The following RHEX variants were observed in gnomAD, a reference collection of about 807,000 sequenced individuals.
The protein encoded by RHEX is regulator of hemoglobinization and erythroid cell expansion, also known as regulator of hemoglobinization and erythroid cell expansion protein.
In RHEX, 18 loss-of-function variants were observed where a neutral mutation model predicts 20.1. That is an observed-to-expected ratio of 0.90 (90% CI 0.62 to 1.33). The LOEUF is 1.33. Among genes scored for constraint, RHEX ranks in the 40% most tolerant of loss-of-function variants. The pLI is 0.00. For synonymous variants in RHEX, 87 were observed against 77.1 expected (o/e 1.13, Z -0.67); for missense variants, 192 against 214.3 (o/e 0.90, Z 0.65).
At chr1:206,058,934 A>G (rs1662253226) in intron 1 of RHEX, among the ~76,000 whole-genome samples, 1 of 152,068 alleles carries the variant, frequency 6.6e-6, no homozygotes, top group Non-Finnish European at 1.5e-5. Flanking sequence ...AATCTCAAGC[A>G]CTTTCATGAC....
intron 1 of RHEX, among the ~76,000 whole-genome samples, chr1:206,056,630 GT>G (rs2102302013): frequency 6.6e-6 from 1 of 152,350 alleles, no homozygotes; most frequent in Non-Finnish European, 1.5e-5. Flanking sequence ...CATGATCACA[GT>G]TTTTAAAATA....
intron 1 of RHEX, among the ~76,000 whole-genome samples, chr1:206,055,663 G>A (rs567616995): frequency 4.7e-4 from 72 of 152,378 alleles, no homozygotes; most frequent in African/African-American, 1.4e-3. Context: ...ATGTAGATTA[G>A]ATAAACTGCA....
At chr1:206,064,183 C>T (rs1160760017) in intron 1 of RHEX, among the ~76,000 whole-genome samples, 3 of 142,978 alleles carry the variant, frequency 2.1e-5, no homozygotes, top group Non-Finnish European at 3.0e-5. Flanking sequence ...AAGTTAGGAG[C>T]CTCTCCGCCC....
rs1439599943 is a variant in RHEX at position 206,072,095 on chromosome 1, T to G, written c.-97+18830T>G. Reference sequence around the variant, plus strand: ...AGGAACGCAACAAATAAGTCTTTCATGCCGCCCCTAATTTTTCATTTCCTT... The same window carrying G: ...AGGAACGCAACAAATAAGTCTTTCAGGCCGCCCCTAATTTTTCATTTCCTT... On this transcript the variant is annotated intron_variant, in intron 1 of 5. Coordinates refer to ENST00000331555, the MANE Select transcript of RHEX (RefSeq NM_001007544.4). Among the ~76,000 whole-genome samples the G allele has an allele frequency of 4.6e-5, 7 of 152,262 alleles. No individual in the cohort carries two copies. The East Asian group carries it at 1.4e-3, about 29-fold the overall frequency.
At position 206,078,015 on chromosome 1, in the gene RHEX, CTT is replaced by C. The variant is rs782206206; in HGVS notation, c.-96-19716_-96-19715del. ...TTTCTGAGGTTTCGCTGTACACAAACTTTGTTTCATGCACAAAATTATTCAAA... is the reference window on the plus strand; with the variant it reads ...TTTCTGAGGTTTCGCTGTACACAAACTGTTTCATGCACAAAATTATTCAAA... On this transcript the variant is annotated intron_variant, in intron 1 of 5. Coordinates refer to ENST00000331555, the MANE Select transcript of RHEX (RefSeq NM_001007544.4). Among the ~76,000 whole-genome samples the C allele has an allele frequency of 3.9e-5, 6 of 152,252 alleles. No homozygotes were observed. In the South Asian group the frequency reaches 1.2e-3, roughly 32 times the overall value.
At chr1:206,072,655 G>C (rs1441775367) in intron 1 of RHEX, among the ~76,000 whole-genome samples, 1 of 152,082 alleles carries the variant, frequency 6.6e-6, no homozygotes, top group Non-Finnish European at 1.5e-5. Flanking sequence ...ATATGTTTCT[G>C]GGCATAGATA....
At position 206,098,102 on chromosome 1, in the gene RHEX, C is replaced by G; in HGVS notation, c.33C>G (p.Gly11=). MLTEVMEVWH[G]LVIAVVSLFL... ...ACAGAGTCATGGAGGTCTGGCATGGCTTAGTGATCGCGGTGGTGTCCCTCT... is the reference window on the plus strand; with the variant it reads ...ACAGAGTCATGGAGGTCTGGCATGGGTTAGTGATCGCGGTGGTGTCCCTCT... The change falls in exon 3 of 6, where the codon GGC becomes GGG. Residue 11 remains glycine, a synonymous_variant. Transcript: ENST00000331555. The G allele has an allele frequency of 6.2e-7, 1 of 1,613,968 alleles. No individual in the cohort carries two copies. Among genetic ancestry groups the G allele is most frequent in the Non-Finnish European group, 8.5e-7 (1 of 1,179,834 alleles).
chr1:206,087,074 A>G (rs1295413773), intron 1 of RHEX, among the ~76,000 whole-genome samples: 2 of 152,214 alleles, frequency 1.3e-5, no homozygotes, highest in African/African-American at 4.8e-5. Context: ...GAAGCTGGAA[A>G]AGTAAAGCAA....
At chr1:206,063,130 G>C (rs1553283577) in intron 1 of RHEX, among the ~76,000 whole-genome samples, 1 of 152,142 alleles carries the variant, frequency 6.6e-6, no homozygotes, top group East Asian at 1.9e-4. Flanking sequence ...TGTGACACCT[G>C]ATGATAAATA....
chr1:206,101,165 G>C lies in RHEX; in HGVS notation c.286G>C (p.Asp96His). 6.2e-7 allele frequency: 1 copy of C among 1,613,030 alleles called. No individual in the cohort carries two copies. Among genetic ancestry groups the C allele is most frequent in the Non-Finnish European group, 8.5e-7 (1 of 1,179,644 alleles). ...CAGCGACACACCCTCAGATAGCTTGGATAGCTCCTGCAGTTCGCCTCCTGC... is the reference window on the plus strand; with the variant it reads ...CAGCGACACACCCTCAGATAGCTTGCATAGCTCCTGCAGTTCGCCTCCTGC... ...HDSDTPSDSL[D>H]SSCSSPPACQ... Residue 96 changes from aspartate (D) to histidine (H), a missense_variant, in exon 5 of 6, where the codon GAT becomes CAT. Physicochemically the swap from Asp to His is moderately conservative, Grantham distance 81 (BLOSUM62 -1). Transcript: ENST00000331555.
At chr1:206,086,665 G>A (rs782517883) in intron 1 of RHEX, among the ~76,000 whole-genome samples, 1 of 152,110 alleles carries the variant, frequency 6.6e-6, no homozygotes, top group Non-Finnish European at 1.5e-5. Flanking sequence ...GATGCAAAAT[G>A]TTTTTTATGA....
chr1:206,101,897 A>G lies in RHEX; in HGVS notation c.464A>G (p.Tyr155Cys). The change falls in exon 6 of 6, where the codon TAT (tyrosine) becomes TGT (cysteine). Residue 155 changes from tyrosine (Y) to cysteine (C), a missense_variant. Coordinates refer to ENST00000331555, the MANE Select transcript of RHEX (RefSeq NM_001007544.4). ...NPERHKPSFWYFVNPALSEPA... is the reference protein window; with the variant it reads ...NPERHKPSFWCFVNPALSEPA... Reference sequence around the variant, plus strand: ...GAAAGACACAAGCCCAGTTTCTGGTATTTTGTCAACCCTGCTCTGTCTGAG... The same window carrying G: ...GAAAGACACAAGCCCAGTTTCTGGTGTTTTGTCAACCCTGCTCTGTCTGAG... The G allele has an allele frequency of 1.9e-6, 3 of 1,602,704 alleles. No homozygotes were observed. The highest frequency in any genetic ancestry group is 1.7e-6 in the Non-Finnish European group (2 of 1,179,838).
At chr1:206,077,106 C>T (rs567125425) in intron 1 of RHEX, among the ~76,000 whole-genome samples, 6 of 152,132 alleles carry the variant, frequency 3.9e-5, no homozygotes, top group Non-Finnish European at 8.8e-5. Context: ...AAACACTTGC[C>T]GATGATGAGA....
chr1:206,077,050 A>G (rs1662647354), intron 1 of RHEX, among the ~76,000 whole-genome samples: 1 of 152,240 alleles, frequency 6.6e-6, no homozygotes, highest in South Asian at 2.1e-4. Flanking sequence ...GCTGTGTTAC[A>G]TATGCATGGT....
intron 1 of RHEX, among the ~76,000 whole-genome samples, chr1:206,075,196 G>GA (rs1301050357): frequency 6.6e-6 from 1 of 152,226 alleles, no homozygotes; most frequent in African/African-American, 2.4e-5. Context: ...CATCTTGCTG[G>GA]AAAGTATGGT....
chr1:206,064,201 GC>G (rs1248590463), intron 1 of RHEX, among the ~76,000 whole-genome samples: 2 of 129,892 alleles, frequency 1.5e-5, no homozygotes, highest in East Asian at 4.8e-4. Flanking sequence ...CCCGGCAGCC[GC>G]CCCGTCTGGG....
At chr1:206,080,395 T>C (rs1662711311) in intron 1 of RHEX, 1 of 152,310 alleles carries the variant, frequency 6.6e-6, no homozygotes, top group Non-Finnish European at 1.5e-5. Context: ...GAGAAAACAG[T>C]TATCCTACAG....
intron 1 of RHEX, among the ~76,000 whole-genome samples, chr1:206,054,035 T>C (rs1204438338): frequency 6.6e-6 from 1 of 151,874 alleles, no homozygotes; most frequent in Non-Finnish European, 1.5e-5. Flanking sequence ...ACATGTATTA[T>C]GGTAACTTCT....
chr1:206,100,906 G>C (rs1016371008), intron 4 of RHEX, among the ~76,000 whole-genome samples: 1 of 152,138 alleles, frequency 6.6e-6, no homozygotes, highest in Admixed American at 6.5e-5. Flanking sequence ...TCTTGGACAT[G>C]TCCCTGCCTA....
Sources: gnomAD v4.1 joint callset for allele counts (sites outside exome capture counted in the v4.1 genomes callset) on GRCh38, gnomAD v4.1.1 for gene constraint, MANE v1.5 for transcripts, NCBI Gene and HGNC (gene_info 2026-07-23, HGNC 2026-07-21) for gene names.